The following CTNNA3 variants were observed in gnomAD, a reference collection of about 807,000 sequenced individuals.
The protein encoded by CTNNA3 is catenin alpha-3.
CTNNA3 carries 76 observed loss-of-function variants against 95.7 expected under a neutral mutation model. The observed-to-expected ratio is 0.79, with a 90% CI of 0.66 to 0.96. The LOEUF is 0.96. Among genes scored for constraint, CTNNA3 ranks in the 40% least tolerant of loss-of-function variants. CTNNA3 has a pLI of 0.00. For missense variants in CTNNA3, 1,191 were observed against 1,089.8 expected (o/e 1.09, Z -1.31); for synonymous variants, 431 against 374.4 (o/e 1.15, Z -1.74).
intron 7 of CTNNA3, among the ~76,000 whole-genome samples, chr10:66,781,070 C>A (rs1420278164): frequency 6.6e-6 from 1 of 152,114 alleles, no homozygotes; most frequent in Non-Finnish European, 1.5e-5. Context: ...CCATGATGCT[C>A]ACCCTATAAA....
At chr10:67,489,805 T>TATAC (rs927605119) in intron 5 of CTNNA3, among the ~76,000 whole-genome samples, 10 of 148,962 alleles carry the variant, frequency 6.7e-5, no homozygotes, top group East Asian at 5.8e-4. Flanking sequence ...TATATATATA[T>TATAC]ACACACATTA....
At chr10:66,608,220 T>C (rs1844198388) in intron 10 of CTNNA3, among the ~76,000 whole-genome samples, 1 of 151,830 alleles carries the variant, frequency 6.6e-6, no homozygotes, top group African/African-American at 2.4e-5. Flanking sequence ...GAATAAAATA[T>C]CTGGGAATAC....
rs1357820246 is a variant in CTNNA3, at chr10:66,148,414, T to C, written c.1885-45165A>G. Among the ~76,000 whole-genome samples the C allele has an allele frequency of 3.3e-5, 5 of 152,246 alleles. No homozygotes were observed. The South Asian group carries it at 8.3e-4, about 25-fold the overall frequency. On this transcript the variant is annotated intron_variant, in intron 13 of 17. Coordinates refer to ENST00000433211, the MANE Select transcript of CTNNA3 (RefSeq NM_013266.4). ...TTCCTCGAAAATTCATGTTGAAATC[T>C]AATCCCCATGGTGTTGGTATGAATA...
At chr10:66,525,086 C>A (rs992838567) in intron 10 of CTNNA3, among the ~76,000 whole-genome samples, 11 of 151,308 alleles carry the variant, frequency 7.3e-5, no homozygotes, top group African/African-American at 2.4e-4. Context: ...GAAAGAAAGA[C>A]AAAAATAAAC....
intron 11 of CTNNA3, among the ~76,000 whole-genome samples, chr10:66,396,773 A>G (rs2092981294): frequency 6.6e-6 from 1 of 151,934 alleles, no homozygotes; most frequent in Non-Finnish European, 1.5e-5. Context: ...AATAAAGAAG[A>G]TGCTTTTCTA....
At chr10:66,235,821 T>G (rs2089828236) in intron 13 of CTNNA3, among the ~76,000 whole-genome samples, 1 of 152,194 alleles carries the variant, frequency 6.6e-6, no homozygotes, top group Non-Finnish European at 1.5e-5. Context: ...CAGATTATGT[T>G]TTATTTTAAT....
chr10:65,999,210 C>A (rs190865043), intron 15 of CTNNA3, among the ~76,000 whole-genome samples: 1 of 152,258 alleles, frequency 6.6e-6, no homozygotes, highest in Non-Finnish European at 1.5e-5. Context: ...TATTTCAATG[C>A]ATCTCTAGAG....
intron 4 of CTNNA3, among the ~76,000 whole-genome samples, chr10:67,528,846 C>G (rs79564545): frequency 6.6e-6 from 1 of 152,078 alleles, no homozygotes; most frequent in Non-Finnish European, 1.5e-5. Flanking sequence ...TGGAAAGATG[C>G]TGATTCCTTC....
At chr10:67,139,363 G>A (rs919461493) in intron 7 of CTNNA3, among the ~76,000 whole-genome samples, 1 of 145,912 alleles carries the variant, frequency 6.9e-6, no homozygotes, top group Non-Finnish European at 1.5e-5. Flanking sequence ...TAGCCAGGAT[G>A]GTCTCGCTTT....
chr10:67,007,549 G>C (rs564284431), intron 7 of CTNNA3, among the ~76,000 whole-genome samples: 81 of 151,962 alleles, frequency 5.3e-4, no homozygotes, highest in Middle Eastern at 6.8e-3. Flanking sequence ...GTCAAACTTG[G>C]AATCTAAAAT....
At chr10:66,569,824 G>A (rs560096598) in intron 10 of CTNNA3, among the ~76,000 whole-genome samples, 2 of 152,088 alleles carry the variant, frequency 1.3e-5, no homozygotes, top group Non-Finnish European at 2.9e-5. Flanking sequence ...ATCAGGAGTG[G>A]GTGGTGTAAA....
rs565588205 is a variant in CTNNA3, at chr10:67,366,353, A to C, written c.580-146483T>G. ...GCACATGTATCCTAGAACTTAAAGT[A>C]TAAAAAATAAAATAAAATAAAGAAA... On this transcript the variant is annotated intron_variant, in intron 5 of 17. Coordinates refer to ENST00000433211, the MANE Select transcript of CTNNA3 (RefSeq NM_013266.4). 4.8e-3 allele frequency among the ~76,000 whole-genome samples: 413 copies of C among 86,900 alleles called. 4 individuals are homozygous for C. Among genetic ancestry groups the C allele is most frequent in the African/African-American group, 0.01 (395 of 38,004 alleles). The allele number at this position is 86,900 out of a possible 152,430, so 57.0% of individuals were successfully genotyped here. A position where few individuals can be genotyped will look rare whatever the true frequency, so the allele number is the denominator to read the frequency against.
chr10:66,483,238 G>A (rs1049952885), intron 11 of CTNNA3, among the ~76,000 whole-genome samples: 1 of 152,158 alleles, frequency 6.6e-6, no homozygotes, highest in African/African-American at 2.4e-5. Flanking sequence ...TGGAGAAGCA[G>A]TTTCTTCAAC....
At chr10:66,611,188 A>G (rs528824107) in intron 10 of CTNNA3, among the ~76,000 whole-genome samples, 1 of 152,240 alleles carries the variant, frequency 6.6e-6, no homozygotes, top group East Asian at 1.9e-4. Context: ...AAATAGTTAG[A>G]TAGAAAAAGT....
intron 16 of CTNNA3, among the ~76,000 whole-genome samples, chr10:65,974,501 A>C (rs2078171917): frequency 6.6e-6 from 1 of 152,160 alleles, no homozygotes; most frequent in Non-Finnish European, 1.5e-5. Context: ...CAAAAACTCA[A>C]ATACCATATG....
chr10:66,464,752 G>C (rs2131857035), intron 11 of CTNNA3, among the ~76,000 whole-genome samples: 1 of 148,580 alleles, frequency 6.7e-6, no homozygotes, highest in South Asian at 2.2e-4. Context: ...GACGGAGTGA[G>C]ACTGTCTCAA....
chr10:67,593,437 G>T (rs922590607), intron 3 of CTNNA3, among the ~76,000 whole-genome samples: 1 of 152,124 alleles, frequency 6.6e-6, no homozygotes, highest in Non-Finnish European at 1.5e-5. Context: ...ATTTCTTTCA[G>T]CAGCATTTTC....
At chr10:66,949,048 T>C (rs1848409728) in intron 7 of CTNNA3, among the ~76,000 whole-genome samples, 1 of 152,180 alleles carries the variant, frequency 6.6e-6, no homozygotes, top group Non-Finnish European at 1.5e-5. Context: ...TGCAAACAAA[T>C]ATAACAAATT....
At chr10:66,312,479 G>A (rs2092034161) in intron 12 of CTNNA3, among the ~76,000 whole-genome samples, 1 of 151,880 alleles carries the variant, frequency 6.6e-6, no homozygotes, top group Non-Finnish European at 1.5e-5. Context: ...CATTGAGGGG[G>A]AGTATATATG....
Sources: gnomAD v4.1 joint callset for allele counts (sites outside exome capture counted in the v4.1 genomes callset) on GRCh38, gnomAD v4.1.1 for gene constraint, MANE v1.5 for transcripts, NCBI Gene and HGNC (gene_info 2026-07-23, HGNC 2026-07-21) for gene names.